Variants in DSCAM observed in about 807,000 individuals in gnomAD.
DSCAM encodes the protein cell adhesion molecule DSCAM.
In DSCAM, 47 loss-of-function variants were observed where a neutral mutation model predicts 217.7. That is an observed-to-expected ratio of 0.22 (90% confidence interval 0.17 to 0.28). DSCAM has a LOEUF of 0.28. Among genes scored for constraint, DSCAM ranks in the 10% least tolerant of loss-of-function variants. The pLI, the probability that DSCAM is intolerant of heterozygous loss-of-function variation, is 1.00. For missense variants in DSCAM, 2,080 were observed against 2,618.3 expected (o/e 0.79, Z 4.49); for synonymous variants, 1,056 against 1,015.3 (o/e 1.04, Z -0.76).
chr21:40,186,394 T>C lies in DSCAM; in HGVS notation c.2779+737A>G, dbSNP rs555418488. 1.8e-4 allele frequency among the ~76,000 whole-genome samples: 27 copies of C among 152,290 alleles called. No individual in the cohort carries two copies. The South Asian group carries it at 5.4e-3, about 30-fold the overall frequency. Reference sequence around the variant, plus strand: ...TTAACCCTTCCCATGCTGGTGGTGCTCGAATTCCTCATATCTTTTATGAGA... The same window carrying C: ...TTAACCCTTCCCATGCTGGTGGTGCCCGAATTCCTCATATCTTTTATGAGA... On this transcript the variant is annotated intron_variant, in intron 14 of 32. Coordinates refer to ENST00000400454, the MANE Select transcript of DSCAM (RefSeq NM_001389.5).
chr21:40,303,561 C>T (rs1485857860), intron 9 of DSCAM, among the ~76,000 whole-genome samples: 2 of 152,122 alleles, frequency 1.3e-5, no homozygotes, highest in East Asian at 3.9e-4. Context: ...TATCTCTTCC[C>T]TTCACTAGAC....
chr21:40,341,178 T>G (rs902401133), intron 6 of DSCAM, among the ~76,000 whole-genome samples: 2 of 152,224 alleles, frequency 1.3e-5, no homozygotes, highest in Admixed American at 6.5e-5. Flanking sequence ...AATGAAAAAT[T>G]GATGCTTTTG....
intron 3 of DSCAM, among the ~76,000 whole-genome samples, chr21:40,376,542 T>A (rs1412592054): frequency 1.4e-4 from 14 of 98,836 alleles, no homozygotes; most frequent in African/African-American, 5.2e-4. Context: ...GATATCGATA[T>A]ATCTTATATC....
chr21:40,125,155 C>G (rs1405173084), intron 19 of DSCAM, among the ~76,000 whole-genome samples: 1 of 152,118 alleles, frequency 6.6e-6, no homozygotes, highest in Non-Finnish European at 1.5e-5. Context: ...GTCAAAGATT[C>G]ACAGTATCCA....
chr21:40,480,543 T>C (rs931523965), intron 3 of DSCAM, among the ~76,000 whole-genome samples: 6 of 152,250 alleles, frequency 3.9e-5, no homozygotes, highest in African/African-American at 1.4e-4. Flanking sequence ...AGAGGAATTT[T>C]TAATGTTTGT....
chr21:40,693,908 T>G (rs1486006590), intron 2 of DSCAM, among the ~76,000 whole-genome samples: 2 of 152,122 alleles, frequency 1.3e-5, no homozygotes, highest in African/African-American at 2.4e-5. Context: ...CTCCCTGGGT[T>G]CAAATCCAAG....
chr21:40,516,551 C>T (rs547512439), intron 3 of DSCAM, among the ~76,000 whole-genome samples: 66 of 152,210 alleles, frequency 4.3e-4, no homozygotes, highest in Non-Finnish European at 9.4e-4. Context: ...TGGCCAGGCA[C>T]GGCAACACAC....
At chr21:40,354,549 G>GA (rs950696840) in intron 4 of DSCAM, among the ~76,000 whole-genome samples, 2 of 151,374 alleles carry the variant, frequency 1.3e-5, no homozygotes, top group East Asian at 2.0e-4. Context: ...AATTTAAACA[G>GA]AAAAAAAGAG....
intron 3 of DSCAM, among the ~76,000 whole-genome samples, chr21:40,654,714 A>C (rs770951835): frequency 6.6e-6 from 1 of 152,034 alleles, no homozygotes; most frequent in South Asian, 2.1e-4. Flanking sequence ...CTCACATCTC[A>C]TCATGCTGAA....
At chr21:40,041,142 C>T (rs2088741320) in intron 32 of DSCAM, among the ~76,000 whole-genome samples, 1 of 151,976 alleles carries the variant, frequency 6.6e-6, no homozygotes, top group Non-Finnish European at 1.5e-5. Flanking sequence ...AGGCCTTGTC[C>T]CATAAAACCC....
intron 3 of DSCAM, among the ~76,000 whole-genome samples, chr21:40,517,713 T>G (rs2076314703): frequency 6.6e-6 from 1 of 152,106 alleles, no homozygotes; most frequent in Non-Finnish European, 1.5e-5. Context: ...ACCAAAGTGC[T>G]TCCTCTCTGA....
intron 3 of DSCAM, among the ~76,000 whole-genome samples, chr21:40,371,051 T>C (rs1478344936): frequency 6.6e-6 from 1 of 152,220 alleles, no homozygotes; most frequent in Non-Finnish European, 1.5e-5. Flanking sequence ...TATAAGCTTT[T>C]CAAAGGAGCG....
chr21:40,759,177 G>A (rs2091305642), intron 1 of DSCAM, among the ~76,000 whole-genome samples: 1 of 151,996 alleles, frequency 6.6e-6, no homozygotes, highest in Non-Finnish European at 1.5e-5. Context: ...TCTTGGCATT[G>A]AGTCTCCCAG....
chr21:40,566,291 ACATGCTTAC>A (rs2076763767), intron 3 of DSCAM, among the ~76,000 whole-genome samples: 1 of 152,256 alleles, frequency 6.6e-6, no homozygotes, highest in South Asian at 2.1e-4. Context: ...ATGGCCTGAA[ACATGCTTAC>A]CAGCCATCAT....
At chr21:40,535,855 A>T (rs1409585010) in intron 3 of DSCAM, among the ~76,000 whole-genome samples, 3 of 152,248 alleles carry the variant, frequency 2.0e-5, no homozygotes, top group Non-Finnish European at 1.5e-5. Flanking sequence ...ACCACACCTG[A>T]AAGTATTTAA....
At chr21:40,493,817 C>A (rs532228522) in intron 3 of DSCAM, among the ~76,000 whole-genome samples, 10 of 146,914 alleles carry the variant, frequency 6.8e-5, no homozygotes. Flanking sequence ...GAGTCAAGAT[C>A]GTGCCATTGC....
intron 20 of DSCAM, among the ~76,000 whole-genome samples, chr21:40,111,070 T>C (rs138812251): frequency 0.12 from 18,597 of 151,938 alleles, 1,227 homozygotes; most frequent in Non-Finnish European, 0.16. Context: ...GAGAACACCA[T>C]AAAGATACTC....
intron 2 of DSCAM, among the ~76,000 whole-genome samples, chr21:40,696,431 C>A (rs1463825419): frequency 6.6e-6 from 1 of 152,178 alleles, no homozygotes; most frequent in African/African-American, 2.4e-5. Flanking sequence ...AAGTCCCAGC[C>A]ACACCTGACA....
intron 20 of DSCAM, among the ~76,000 whole-genome samples, chr21:40,099,413 G>A (rs955178916): frequency 5.3e-5 from 8 of 152,108 alleles, no homozygotes; most frequent in Non-Finnish European, 1.0e-4. Context: ...AAATAATAAC[G>A]TCAAGCTGTT....
Sources: gnomAD v4.1 joint callset for allele counts (sites outside exome capture counted in the v4.1 genomes callset) on GRCh38, gnomAD v4.1.1 for gene constraint, MANE v1.5 for transcripts, NCBI Gene and HGNC (gene_info 2026-07-23, HGNC 2026-07-21) for gene names.